Variants in DPP10 observed in about 807,000 individuals in gnomAD.
DPP10 encodes the protein dipeptidyl peptidase like 10, also known as inactive dipeptidyl peptidase 10.
DPP10 carries 33 observed loss-of-function variants against 120.9 expected under a neutral mutation model. The ratio of observed to expected loss-of-function variants is 0.27; its 90% confidence interval spans 0.21 to 0.37. The LOEUF (loss-of-function observed/expected upper bound fraction) is 0.37. Among genes scored for constraint, DPP10 ranks in the 10% least tolerant of loss-of-function variants. The pLI is 1.00. For missense variants in DPP10, 816 were observed against 942.8 expected, an observed-to-expected ratio of 0.87 and a Z score of 1.76; for synonymous variants, 337 against 326.1, an observed-to-expected ratio of 1.03 and a Z score of -0.36.
intron 1 of DPP10, among the ~76,000 whole-genome samples, chr2:115,155,945 CTTT>C (rs1559155818): frequency 6.6e-6 from 1 of 152,066 alleles, no homozygotes; most frequent in Admixed American, 6.6e-5. Flanking sequence ...TCTCTTTCTT[CTTT>C]GATTTGGATA....
chr2:115,275,956 C>T (rs982180497), intron 1 of DPP10, among the ~76,000 whole-genome samples: 3 of 152,134 alleles, frequency 2.0e-5, no homozygotes, highest in Admixed American at 1.3e-4. Context: ...CCGCCTCGGC[C>T]TCCCAAAGTG....
At chr2:114,641,091 C>T (rs1695671612) in intron 1 of DPP10, among the ~76,000 whole-genome samples, 2 of 151,942 alleles carry the variant, frequency 1.3e-5, no homozygotes, top group African/African-American at 2.4e-5. Flanking sequence ...GTTCAATTCT[C>T]ACAACAATCC....
chr2:115,714,435 A>G (rs1302381427), intron 7 of DPP10, among the ~76,000 whole-genome samples: 2 of 152,308 alleles, frequency 1.3e-5, no homozygotes, highest in East Asian at 3.9e-4. Flanking sequence ...TTGGACCAGT[A>G]TTGTACTAGC....
intron 11 of DPP10, among the ~76,000 whole-genome samples, chr2:115,759,684 C>T (rs1679861588): frequency 1.5e-5 from 2 of 134,636 alleles, no homozygotes; most frequent in Admixed American, 8.3e-5. Flanking sequence ...TATACACACA[C>T]ACATATATAT....
At chr2:115,648,280 T>C (rs2087450306) in intron 5 of DPP10, among the ~76,000 whole-genome samples, 1 of 152,014 alleles carries the variant, frequency 6.6e-6, no homozygotes, top group Non-Finnish European at 1.5e-5. Context: ...GGTGGGGGCA[T>C]TGGTGCGATG....
At chr2:114,498,387 T>G (rs1168952173) in intron 1 of DPP10, among the ~76,000 whole-genome samples, 2 of 152,178 alleles carry the variant, frequency 1.3e-5, no homozygotes, top group Non-Finnish European at 2.9e-5. Flanking sequence ...GTTTAATGTT[T>G]TAAGATTCCA....
At chr2:115,338,538 C>A (rs2063282533) in intron 2 of DPP10, among the ~76,000 whole-genome samples, 1 of 152,058 alleles carries the variant, frequency 6.6e-6, no homozygotes, top group Non-Finnish European at 1.5e-5. Flanking sequence ...CTCACTCTAA[C>A]CTTGAACTAA....
At chr2:114,812,815 A>G (rs1685298278) in intron 1 of DPP10, among the ~76,000 whole-genome samples, 1 of 152,174 alleles carries the variant, frequency 6.6e-6, no homozygotes, top group African/African-American at 2.4e-5. Context: ...CAAAACTGAA[A>G]AAGTTCACAG....
At chr2:115,360,392 T>C (rs2064687018) in intron 3 of DPP10, among the ~76,000 whole-genome samples, 1 of 152,208 alleles carries the variant, frequency 6.6e-6, no homozygotes, top group Non-Finnish European at 1.5e-5. Context: ...TACAGGTTAT[T>C]TAATTATAGC....
intron 1 of DPP10, among the ~76,000 whole-genome samples, chr2:114,908,957 A>T (rs972007001): frequency 2.7e-4 from 41 of 151,882 alleles, no homozygotes; most frequent in Non-Finnish European, 4.0e-4. Flanking sequence ...GTCATATTTT[A>T]GTACTGAGTT....
At chr2:114,690,207 T>C (rs548553853) in intron 1 of DPP10, among the ~76,000 whole-genome samples, 5 of 152,248 alleles carry the variant, frequency 3.3e-5, no homozygotes, top group Admixed American at 3.3e-4. Flanking sequence ...AGGGTTTTTA[T>C]AGTTTTGAGT....
At chr2:115,162,690 G>A (rs1258315175) in intron 1 of DPP10, among the ~76,000 whole-genome samples, 1 of 152,106 alleles carries the variant, frequency 6.6e-6, no homozygotes, top group African/African-American at 2.4e-5. Context: ...GATGTGTCGC[G>A]TCTGCACAGA....
chr2:115,610,337 C>G (rs1403226993), intron 5 of DPP10, among the ~76,000 whole-genome samples: 1 of 152,006 alleles, frequency 6.6e-6, no homozygotes. Context: ...TATGACTAGT[C>G]TTAGAGGGTA....
chr2:115,839,205 G>A (rs557212416), intron 24 of DPP10, among the ~76,000 whole-genome samples: 26 of 152,268 alleles, frequency 1.7e-4, no homozygotes, highest in African/African-American at 5.5e-4. Context: ...CCCATTAAGT[G>A]CCATAGGAAG....
Position 115,761,641 on chromosome 2 carries a change from G to C in DPP10, c.1075-931G>C, listed in dbSNP as rs183304303. On this transcript the variant is annotated intron_variant, in intron 11 of 25. Coordinates refer to ENST00000410059, the MANE Select transcript of DPP10 (RefSeq NM_020868.6). ...TGCTAGGGTGTAAATGGAGAATAAA[G>C]AAATGATTCAGTTAGATTTTTTTTG... Among the ~76,000 whole-genome samples, 145 of 151,752 alleles carry C rather than the reference G, an allele frequency of 9.6e-4. 1 individual carries two copies. Among genetic ancestry groups the C allele is most frequent in the East Asian group, 1.4e-3 (7 of 5,148 alleles).
chr2:114,984,951 C>A (rs2104883319), intron 1 of DPP10, among the ~76,000 whole-genome samples: 1 of 152,270 alleles, frequency 6.6e-6, no homozygotes, highest in Non-Finnish European at 1.5e-5. Context: ...CCATGACACA[C>A]AGCAGAGGTT....
intron 3 of DPP10, among the ~76,000 whole-genome samples, chr2:115,397,777 C>T (rs2067786180): frequency 6.6e-6 from 1 of 152,144 alleles, no homozygotes; most frequent in African/African-American, 2.4e-5. Context: ...TGTCTGCCTT[C>T]TTTGAGCTAG....
chr2:115,558,742 G>C (rs1057058330), intron 5 of DPP10, among the ~76,000 whole-genome samples: 1 of 152,080 alleles, frequency 6.6e-6, no homozygotes, highest in African/African-American at 2.4e-5. Flanking sequence ...ATCATATATA[G>C]TCTATGATAT....
chr2:114,601,863 A>C (rs770867966), intron 1 of DPP10, among the ~76,000 whole-genome samples: 1 of 151,972 alleles, frequency 6.6e-6, no homozygotes, highest in Non-Finnish European at 1.5e-5. Context: ...CCTTAAAATT[A>C]AGGGTTATCT....
Sources: allele counts gnomAD v4.1 joint callset (sites outside exome capture counted in the v4.1 genomes callset), GRCh38; gene constraint gnomAD v4.1.1; transcripts MANE v1.5; gene names NCBI Gene and HGNC (gene_info 2026-07-23, HGNC 2026-07-21).